FAM20B: variants seen among roughly 807,000 people sequenced by gnomAD.
The protein encoded by FAM20B is FAM20B glycosaminoglycan xylosylkinase.
A neutral mutation model predicts 43.8 loss-of-function variants in FAM20B; 23 were observed. The ratio of observed to expected loss-of-function variants is 0.53; its 90% confidence interval spans 0.38 to 0.74. The LOEUF (loss-of-function observed/expected upper bound fraction) is 0.74, where lower values mean the gene tolerates loss of function less well. FAM20B is among the 30% of genes least tolerant of loss of function. The pLI is 0.00. For missense variants in FAM20B, 440 were observed against 510.5 expected (o/e 0.86, Z 1.33); for synonymous variants, 178 against 192.4 (o/e 0.93, Z 0.62).
intron 7 of FAM20B, among the ~76,000 whole-genome samples, chr1:179,070,578 GC>G (rs1651881912): frequency 7.6e-6 from 1 of 131,538 alleles, no homozygotes. Context: ...AGGCTGGAGT[GC>G]AGTGGCACAA....
intron 1 of FAM20B, among the ~76,000 whole-genome samples, chr1:179,039,641 T>C (rs1650396478): frequency 6.6e-6 from 1 of 152,210 alleles, no homozygotes; most frequent in South Asian, 2.1e-4. Context: ...TTTAAATACA[T>C]GAGCAGCAGA....
intron 1 of FAM20B, among the ~76,000 whole-genome samples, chr1:179,029,135 C>A (rs964085291): frequency 6.6e-6 from 1 of 152,232 alleles, no homozygotes; most frequent in Non-Finnish European, 1.5e-5. Context: ...GAACTTAGAG[C>A]TCTTGGCAAT....
chr1:179,032,313 CTTTTTTT>C (rs547439601), intron 1 of FAM20B, among the ~76,000 whole-genome samples: 47,506 of 112,916 alleles, frequency 0.42, 8,244 homozygotes, highest in Middle Eastern at 0.49. Context: ...AGGTCTCATT[CTTTTTTT>C]TTTTTTTTTT....
intron 4 of FAM20B, among the ~76,000 whole-genome samples, chr1:179,055,252 T>C (rs1347130244): frequency 1.3e-5 from 2 of 152,186 alleles, no homozygotes; most frequent in African/African-American, 4.8e-5. Flanking sequence ...ACTCCTGTTG[T>C]TGTGAGCAAG....
At chr1:179,067,651 G>A (rs944471187) in intron 7 of FAM20B, among the ~76,000 whole-genome samples, 1 of 152,036 alleles carries the variant, frequency 6.6e-6, no homozygotes, top group South Asian at 2.1e-4. Context: ...AAAAAACTCT[G>A]TATTAGAGAA....
upstream of FAM20B, among the ~76,000 whole-genome samples, chr1:179,023,629 A>G (rs1649645740): frequency 6.6e-6 from 1 of 152,224 alleles, no homozygotes; most frequent in African/African-American, 2.4e-5. Flanking sequence ...TGAATAAACA[A>G]ACAAATGAAC....
chr1:179,062,984 A>C (rs1651533825), intron 4 of FAM20B, among the ~76,000 whole-genome samples: 1 of 151,972 alleles, frequency 6.6e-6, no homozygotes, highest in Non-Finnish European at 1.5e-5. Context: ...CCTTTAATTA[A>C]AGTGAGTTCA....
At position 179,074,793 on chromosome 1, in the gene FAM20B, G is replaced by C. The variant is rs761581986; in HGVS notation, c.*2649G>C. The C allele has an allele frequency of 3.3e-5, 5 of 152,200 alleles. No homozygotes were observed. Among genetic ancestry groups the C allele is most frequent in the Non-Finnish European group, 7.3e-5 (5 of 68,042 alleles). The allele number at this position is 152,200 out of a possible 1,614,324, so 9.4% of individuals were successfully genotyped here. ...TAAATTTTTGTTGTAAGTCAGGATT[G>C]GAGTAAGCTGGAAAAGTATGTTTAG... On this transcript the variant is annotated 3_prime_UTR_variant, in exon 8 of 8. Coordinates refer to ENST00000263733, the MANE Select transcript of FAM20B (RefSeq NM_014864.4).
intron 3 of FAM20B, among the ~76,000 whole-genome samples, chr1:179,051,732 G>A (rs1164637984): frequency 6.6e-6 from 1 of 152,038 alleles, no homozygotes; most frequent in African/African-American, 2.4e-5. Context: ...CTGCAACCTC[G>A]ACGTCCTGGG....
At chr1:179,027,299 G>C (rs1439983149) in intron 1 of FAM20B, among the ~76,000 whole-genome samples, 3 of 152,206 alleles carry the variant, frequency 2.0e-5, no homozygotes, top group African/African-American at 7.2e-5. Context: ...TCTGGTTAGA[G>C]ATCTCAGTGT....
At chr1:179,028,207 A>G (rs1649869755) in intron 1 of FAM20B, among the ~76,000 whole-genome samples, 1 of 152,212 alleles carries the variant, frequency 6.6e-6, no homozygotes, top group Non-Finnish European at 1.5e-5. Context: ...TAAAATAGCT[A>G]ACCACAGAGG....
chr1:179,031,519 A>G (rs572780413), intron 1 of FAM20B, among the ~76,000 whole-genome samples: 99 of 152,212 alleles, frequency 6.5e-4, no homozygotes, highest in Non-Finnish European at 1.3e-3. Flanking sequence ...GTTATTGCCT[A>G]TTTCATTTTT....
intron 2 of FAM20B, 49 bp downstream of exon 2, chr1:179,044,273 A>C (rs1206885110): frequency 6.5e-7 from 1 of 1,537,838 alleles, no homozygotes; most frequent in East Asian, 2.3e-5. Flanking sequence ...TGATTCATTT[A>C]ACTTGGGATT....
At position 179,035,271 on chromosome 1, in the gene FAM20B, G is replaced by T. The variant is rs948971322; in HGVS notation, c.-133-8444G>T. On this transcript the variant is annotated intron_variant, in intron 1 of 7. Coordinates refer to ENST00000263733, the MANE Select transcript of FAM20B (RefSeq NM_014864.4). ...AATTTCCATTGTATTTTTCTCCAGA[G>T]AATGGTCTGTCTTCAGTCTTTAAGG... 13 of 586,448 alleles carry T rather than the reference G, an allele frequency of 2.2e-5. No homozygotes were observed. The Admixed American group carries it at 2.8e-4, about 13-fold the overall frequency. The allele number at this position is 586,448 out of a possible 1,614,324, so 36.3% of individuals were successfully genotyped here. A position where few individuals can be genotyped will look rare whatever the true frequency, so the allele number is the denominator to read the frequency against.
intron 1 of FAM20B, chr1:179,035,262 T>A: frequency 1.8e-6 from 1 of 560,520 alleles, no homozygotes; most frequent in Non-Finnish European, 3.3e-6. Flanking sequence ...CATTGTATTT[T>A]TCTCCAGAGA....
At position 179,050,300 on chromosome 1, in the gene FAM20B, G is replaced by A. The variant is rs1240880770; in HGVS notation, c.399G>A (p.Val133=). 6 of 1,613,678 alleles carry A rather than the reference G, an allele frequency of 3.7e-6. No homozygotes were observed. Among genetic ancestry groups the A allele is most frequent in the Non-Finnish European group, 4.2e-6 (5 of 1,179,710 alleles). The change falls in exon 3 of 8, where the codon GTG becomes GTA. Residue 133 remains valine, a synonymous_variant. Coordinates refer to ENST00000263733, the MANE Select transcript of FAM20B (RefSeq NM_014864.4). ...GCAGGTATAGCCGAGACCATGTGGT[G>A]GAAGGGGAACCGTATGCTGGTTATG... ...KPKRYSRDHV[V]EGEPYAGYDR...
chr1:179,022,471 C>T (rs548026536), upstream of FAM20B, among the ~76,000 whole-genome samples: 47 of 152,060 alleles, frequency 3.1e-4, no homozygotes, highest in Non-Finnish European at 5.3e-4. Context: ...TGCGCGCGCG[C>T]GTGTATGCAT....
Position 179,063,946 on chromosome 1 carries a change from T to G in FAM20B, c.594T>G (p.Tyr198Ter), listed in dbSNP as rs1331863370. 6.2e-7 allele frequency: 1 copy of G among 1,608,308 alleles called. No individual in the cohort carries two copies. Among genetic ancestry groups the G allele is most frequent in the Non-Finnish European group, 8.5e-7 (1 of 1,177,206 alleles). The change falls in exon 5 of 8, where the codon TAT becomes TAG. Residue 198 changes from tyrosine (Y) to a stop codon, truncating the protein, a stop_gained. Coordinates refer to ENST00000263733, the MANE Select transcript of FAM20B (RefSeq NM_014864.4). LOFTEE classifies it high-confidence loss of function. The part of the protein sequence containing the change: ...FLTVGNNTCF[Y>*]GKCYYCRETE... ...CTTTAGGAAACAATACTTGTTTTTA[T>G]GGGAAGTGCTATTACTGCCGAGAAA... is the stretch of plus-strand genomic sequence containing the variant.
intron 1 of FAM20B, among the ~76,000 whole-genome samples, chr1:179,026,360 T>TA (rs1649775716): frequency 6.6e-6 from 1 of 151,752 alleles, no homozygotes; most frequent in South Asian, 2.1e-4. Flanking sequence ...CGGTCGCGGC[T>TA]GAAGGGACGC....
Sources: allele counts gnomAD v4.1 joint callset (sites outside exome capture counted in the v4.1 genomes callset), GRCh38; gene constraint gnomAD v4.1.1; transcripts MANE v1.5; gene names NCBI Gene and HGNC (gene_info 2026-07-23, HGNC 2026-07-21).